Variants in ATP2B2 observed in about 807,000 individuals in gnomAD.
The protein encoded by ATP2B2 is ATPase plasma membrane Ca2+ transporting 2.
Under a neutral mutation model 120.0 loss-of-function variants are expected in ATP2B2, and 15 were observed. The observed-to-expected ratio is 0.12, with a 90% CI of 0.08 to 0.19. The LOEUF is 0.19. Among genes scored for constraint, ATP2B2 ranks in the 10% least tolerant of loss-of-function variants. The pLI is 1.00. For missense variants in ATP2B2, 1,045 were observed against 1,719.8 expected (o/e 0.61, Z 6.94); for synonymous variants, 694 against 700.3 (o/e 0.99, Z 0.14).
At chr3:10,378,447 A>G in intron 9 of ATP2B2, 37 bp from the exon 10 acceptor site, 7 of 1,598,428 alleles carry the variant, frequency 4.4e-6, no homozygotes, top group Non-Finnish European at 5.9e-6. Flanking sequence ...ATACACACAG[A>G]CACATAGACA....
At chr3:10,433,439 G>T (rs1361390785) in intron 2 of ATP2B2, among the ~76,000 whole-genome samples, 1 of 152,156 alleles carries the variant, frequency 6.6e-6, no homozygotes, top group Non-Finnish European at 1.5e-5. Context: ...TCCCAGTGAG[G>T]AAAGAGGTGG....
chr3:10,597,122 C>T (rs1182505099), intron 2 of ATP2B2, among the ~76,000 whole-genome samples: 1 of 151,410 alleles, frequency 6.6e-6, no homozygotes, highest in African/African-American at 2.4e-5. Flanking sequence ...CGCACACACA[C>T]ATGCACAGGC....
chr3:10,665,334 C>A (rs1465001278), intron 1 of ATP2B2, among the ~76,000 whole-genome samples: 3 of 152,196 alleles, frequency 2.0e-5, no homozygotes, highest in Non-Finnish European at 4.4e-5. Flanking sequence ...TCCTCTTCAT[C>A]CTTCAGACCT....
chr3:10,636,754 C>T (rs1427336125), intron 1 of ATP2B2, among the ~76,000 whole-genome samples: 8 of 152,082 alleles, frequency 5.3e-5, no homozygotes, highest in African/African-American at 1.9e-4. Context: ...CTGGGGGGTA[C>T]CCAGGTGGAG....
In ATP2B2 at chr3:10,415,234, G is replaced by C. The variant is rs144990251; in HGVS notation, c.200-4419C>G. Reference sequence around the variant, plus strand: ...CAGGGTTAGGGTGAGGCTTCAACACGATGTCTCACGTAAGGAGTGTAGTGC... The same window carrying C: ...CAGGGTTAGGGTGAGGCTTCAACACCATGTCTCACGTAAGGAGTGTAGTGC... On this transcript the variant is annotated intron_variant, in intron 2 of 22. Coordinates refer to ENST00000360273, the MANE Select transcript of ATP2B2 (RefSeq NM_001001331.4). Among the ~76,000 whole-genome samples the C allele has an allele frequency of 7.4e-4, 112 of 152,318 alleles. 1 individual carries two copies. Among genetic ancestry groups the C allele is most frequent in the Admixed American group, 1.2e-3 (18 of 15,306 alleles).
At chr3:10,471,524 GAC>G (rs1249904227) in intron 1 of ATP2B2, among the ~76,000 whole-genome samples, 2 of 151,978 alleles carry the variant, frequency 1.3e-5, no homozygotes, top group Admixed American at 6.6e-5. Context: ...AGAAAGGAAA[GAC>G]ACAGTCAGGC....
At chr3:10,424,285 G>C (rs1218197804) in intron 2 of ATP2B2, among the ~76,000 whole-genome samples, 1 of 152,208 alleles carries the variant, frequency 6.6e-6, no homozygotes, top group African/African-American at 2.4e-5. Context: ...CTAAAGCTAG[G>C]ATTTGAACTC....
At chr3:10,629,364 ACAT>A (rs2069799327) in intron 1 of ATP2B2, among the ~76,000 whole-genome samples, 1 of 148,974 alleles carries the variant, frequency 6.7e-6, no homozygotes, top group Admixed American at 6.6e-5. Context: ...TTATCTGGGT[ACAT>A]ACATTATCTG....
chr3:10,446,577 G>A (rs1559348560), intron 2 of ATP2B2, among the ~76,000 whole-genome samples: 1 of 152,186 alleles, frequency 6.6e-6, no homozygotes, highest in African/African-American at 2.4e-5. Flanking sequence ...GCAAAGCTGG[G>A]ATTTGAACCT....
chr3:10,572,323 C>A (rs2068146572), intron 2 of ATP2B2, among the ~76,000 whole-genome samples: 1 of 152,102 alleles, frequency 6.6e-6, no homozygotes, highest in Admixed American at 6.5e-5. Context: ...GAAAAACAGA[C>A]CCTACCTCCT....
chr3:10,512,461 T>TGTGC (rs1553623891), intron 3 of ATP2B2, among the ~76,000 whole-genome samples: 5 of 102,922 alleles, frequency 4.9e-5, no homozygotes, highest in African/African-American at 1.9e-4. Context: ...CTAAAGTGTG[T>TGTGC]GCGCACACAC....
intron 1 of ATP2B2, among the ~76,000 whole-genome samples, chr3:10,664,884 C>G (rs1332446387): frequency 1.3e-5 from 2 of 152,176 alleles, no homozygotes; most frequent in Non-Finnish European, 2.9e-5. Context: ...AAGCAACTGC[C>G]CCCATGCCTA....
chr3:10,699,436 C>T (rs116694007), intron 1 of ATP2B2, among the ~76,000 whole-genome samples: 1,593 of 152,264 alleles, frequency 0.01, 26 homozygotes, highest in African/African-American at 0.036. Context: ...AAGAAAGGGA[C>T]AGAAAAACAG....
intron 3 of ATP2B2, among the ~76,000 whole-genome samples, chr3:10,405,900 C>A (rs1439124698): frequency 6.6e-6 from 1 of 152,222 alleles, no homozygotes; most frequent in Non-Finnish European, 1.5e-5. Context: ...GGAGCTGTCA[C>A]CAGCAGGGGG....
chr3:10,560,469 T>C (rs2067877857), intron 2 of ATP2B2, among the ~76,000 whole-genome samples: 2 of 127,656 alleles, frequency 1.6e-5, no homozygotes, highest in Non-Finnish European at 3.4e-5. Context: ...GCACTTCAAA[T>C]GCCCCATAGC....
upstream of ATP2B2, among the ~76,000 whole-genome samples, chr3:10,507,311 G>A (rs967827836): frequency 1.3e-5 from 2 of 152,134 alleles, no homozygotes; most frequent in South Asian, 2.1e-4. Context: ...TCTTGCGGGT[G>A]CAGATGGGAA....
At chr3:10,509,831 C>T (rs1217469915), upstream of ATP2B2, among the ~76,000 whole-genome samples, 2 of 152,216 alleles carry the variant, frequency 1.3e-5, no homozygotes, top group Non-Finnish European at 2.9e-5. Flanking sequence ...GCCACACAGA[C>T]CTGGGTCCAA....
intron 1 of ATP2B2, among the ~76,000 whole-genome samples, chr3:10,686,582 A>T (rs2071530916): frequency 6.6e-6 from 1 of 151,968 alleles, no homozygotes; most frequent in Non-Finnish European, 1.5e-5. Context: ...CGAACCCAGG[A>T]GGCAGAGCTT....
At chr3:10,574,633 CT>C (rs1348367390) in intron 2 of ATP2B2, among the ~76,000 whole-genome samples, 1 of 152,104 alleles carries the variant, frequency 6.6e-6, no homozygotes, top group Non-Finnish European at 1.5e-5. Flanking sequence ...ATTTACATTT[CT>C]CTATACACAA....
Sources: gnomAD v4.1 joint callset for allele counts (sites outside exome capture counted in the v4.1 genomes callset) on GRCh38, gnomAD v4.1.1 for gene constraint, MANE v1.5 for transcripts, NCBI Gene and HGNC (gene_info 2026-07-23, HGNC 2026-07-21) for gene names.